CTU1: variants seen among roughly 807,000 people sequenced by gnomAD.
The protein encoded by CTU1 is cytoplasmic tRNA 2-thiolation protein 1.
In CTU1, 15 loss-of-function variants were observed where a neutral mutation model predicts 12.9. The observed-to-expected ratio is 1.16, with a 90% confidence interval of 0.78 to 1.79. The LOEUF (loss-of-function observed/expected upper bound fraction) is 1.79. Ranked by LOEUF, CTU1 falls within the 40% of genes most tolerant of loss-of-function variation. CTU1 has a pLI of 0.00. For synonymous variants in CTU1, 295 were observed against 275.6 expected (o/e 1.07, Z -0.70); for missense variants, 553 against 550.5 (o/e 1.00, Z -0.05).
At chr19:51,103,285 C>A (rs2091911400) in intron 2 of CTU1, among the ~76,000 whole-genome samples, 1 of 152,074 alleles carries the variant, frequency 6.6e-6, no homozygotes, top group African/African-American at 2.4e-5. Flanking sequence ...AACTTAGCAT[C>A]TGTTTGTTGA....
chr19:51,103,853 G>A (rs1463875828), intron 2 of CTU1, among the ~76,000 whole-genome samples: 1 of 152,168 alleles, frequency 6.6e-6, no homozygotes, highest in African/African-American at 2.4e-5. Flanking sequence ...TGTCTCCCCA[G>A]CGTCTTGAAC....
chr19:51,099,580 T>C (rs1323674965), intron 2 of CTU1, among the ~76,000 whole-genome samples: 5 of 152,228 alleles, frequency 3.3e-5, no homozygotes, highest in African/African-American at 4.8e-5. Context: ...ACCACCCGCC[T>C]ACTGCATAGC....
At chr19:51,102,586 C>T (rs2091909879) in intron 2 of CTU1, among the ~76,000 whole-genome samples, 1 of 152,252 alleles carries the variant, frequency 6.6e-6, no homozygotes, top group Non-Finnish European at 1.5e-5. Context: ...TTCCCACTGA[C>T]TGGTCTCCTC....
chr19:51,105,589 C>G (rs1356176347), intron 1 of CTU1, among the ~76,000 whole-genome samples: 1 of 152,202 alleles, frequency 6.6e-6, no homozygotes, highest in East Asian at 1.9e-4. Context: ...TAGGATTTAC[C>G]ACAATGTGTG....
intron 1 of CTU1, among the ~76,000 whole-genome samples, chr19:51,107,980 G>GTATCTGTAGGA (rs1440437902): frequency 6.6e-6 from 1 of 152,160 alleles, no homozygotes; most frequent in Non-Finnish European, 1.5e-5. Flanking sequence ...TGCTCAGTAA[G>GTATCTGTAGGA]TATCTGTAGG....
intron 2 of CTU1, among the ~76,000 whole-genome samples, chr19:51,102,385 G>T (rs2091909428): frequency 6.6e-6 from 1 of 152,176 alleles, no homozygotes; most frequent in Non-Finnish European, 1.5e-5. Flanking sequence ...GAGATCTAGG[G>T]ATTTCTCCAA....
intron 1 of CTU1, among the ~76,000 whole-genome samples, chr19:51,105,996 C>T (rs1433960983): frequency 1.3e-5 from 2 of 152,242 alleles, no homozygotes; most frequent in Non-Finnish European, 2.9e-5. Flanking sequence ...TGGACGGCTG[C>T]ATGGGGCTCC....
intron 2 of CTU1, among the ~76,000 whole-genome samples, chr19:51,101,842 TACA>T (rs1163949038): frequency 1.3e-5 from 2 of 152,190 alleles, no homozygotes; most frequent in Admixed American, 6.5e-5. Flanking sequence ...TAATAATTAT[TACA>T]ACAATTATTA....
At chr19:51,099,775 T>C (rs2122789693) in intron 2 of CTU1, among the ~76,000 whole-genome samples, 1 of 152,298 alleles carries the variant, frequency 6.6e-6, no homozygotes, top group South Asian at 2.1e-4. Flanking sequence ...CCCCACCGCC[T>C]AGGGAATCCA....
rs2091913407 is a variant in CTU1, at chr19:51,104,073, T to G, written c.497A>C (p.His166Pro). 2 of 1,456,760 alleles carry G rather than the reference T, an allele frequency of 1.4e-6. No homozygotes were observed. The highest frequency in any genetic ancestry group is 3.0e-5 in the African/African-American group (2 of 67,294). 90.2% of individuals were successfully genotyped at this position (1,456,760 alleles called of 1,614,324 possible). A position where few individuals can be genotyped will look rare whatever the true frequency, so the allele number is the denominator to read the frequency against. ...EEGARRVGATHIVTGHNADDM... is the reference protein window; with the variant it reads ...EEGARRVGATPIVTGHNADDM... Reference sequence around the variant, plus strand: ...CGTACTACGCTCACCTGTCACGATGTGCGTGGCTCCCACGCGGCGCGCCCC... The same window carrying G: ...CGTACTACGCTCACCTGTCACGATGGGCGTGGCTCCCACGCGGCGCGCCCC... The change falls in exon 2 of 3, where the codon CAC becomes CCC. Residue 166 changes from histidine to proline, a missense_variant. Transcript: ENST00000421832.
rs1224948547 is a variant in CTU1 at position 51,104,384 on chromosome 19, C to T, written c.186G>A (p.Lys62=). ...AVVAVGASGG[K]DSTVLAHVLR... ...GCACGTGCGCCAGCACCGTGGAGTC[C>T]TTGCCGCCCGAGGCGCCCACGGCCA... The change falls in exon 2 of 3, where the codon AAG becomes AAA. Residue 62 remains lysine, a synonymous_variant. Coordinates refer to ENST00000421832, the MANE Select transcript of CTU1 (RefSeq NM_145232.4). 6.1e-6 allele frequency: 8 copies of T among 1,312,482 alleles called. No individual in the cohort carries two copies. The East Asian group carries it at 2.6e-4, about 43-fold the overall frequency. The allele number at this position is 1,312,482 out of a possible 1,614,324, so 81.3% of individuals were successfully genotyped here.
chr19:51,106,764 C>T (rs145164625), intron 1 of CTU1, among the ~76,000 whole-genome samples: 7 of 151,886 alleles, frequency 4.6e-5, no homozygotes, highest in South Asian at 2.1e-4. Flanking sequence ...GTGATCCGCC[C>T]GCCTCGGCCT....
At position 51,097,799 on chromosome 19, in the gene CTU1, G is replaced by C. The variant is rs1341598383; in HGVS notation, c.*802C>G. The stretch of plus-strand genomic sequence containing the variant: ...ACCCTGCCTCCAGAGTCCAAGGTTT[G>C]GGGAACGCATCCAACCCCTCCTCAC... On this transcript the variant is annotated 3_prime_UTR_variant, in exon 3 of 3. Transcript: ENST00000421832. 1 of 152,162 alleles carries C rather than the reference G, an allele frequency of 6.6e-6. No homozygotes were observed. The highest frequency in any genetic ancestry group is 2.4e-5 in the African/African-American group (1 of 41,398). The allele number at this position is 152,162 out of a possible 1,614,324, so 9.4% of individuals were successfully genotyped here.
Position 51,098,981 on chromosome 19 carries a change from G to A in CTU1, c.667C>T (p.Leu223=). The A allele has an allele frequency of 6.5e-7, 1 of 1,544,208 alleles. No homozygotes were observed. Among genetic ancestry groups the A allele is most frequent in the Non-Finnish European group, 8.7e-7 (1 of 1,151,262 alleles). The part of the protein sequence containing the change: ...LQFASQKEVV[L]YAHFRRLDYF... ...TCGAGGCGGCGGAAGTGCGCGTACA[G>A]CACCACCTCCTTCTGCGAGGCGAAC... The change falls in exon 3 of 3, where the codon CTG becomes TTG. Residue 223 remains leucine, a synonymous_variant. Transcript: ENST00000421832. The surrounding 1 kb of genome is among the most constrained non-coding windows in gnomAD (Gnocchi z 4.3).
At chr19:51,106,363 T>C (rs896306851) in intron 1 of CTU1, among the ~76,000 whole-genome samples, 1 of 152,164 alleles carries the variant, frequency 6.6e-6, no homozygotes, top group African/African-American at 2.4e-5. Context: ...GCAGCAACTC[T>C]TGGAATCTTT....
In CTU1 at chr19:51,098,601, C is replaced by CT. The variant is rs1281651109; in HGVS notation, c.1046dup (p.Ter349=). ...PPASKAVPTF[*] is the part of the protein sequence containing the mutation. ...GATCCCGGCGGGAGGCCCGAAGTCG[C>CT]TAGAAGGTGGGGACGGCCTTGGAGG... is the stretch of plus-strand genomic sequence containing the variant. Residue 349 remains the stop codon, a frameshift_variant and stop_retained_variant, in exon 3 of 3, where the codon TAG becomes TAAG. Transcript: ENST00000421832. LOFTEE classifies it high-confidence loss of function. The surrounding 1 kb of genome is among the most constrained non-coding windows in gnomAD (Gnocchi z 4.3). 1 of 1,288,800 alleles carries CT rather than the reference C, an allele frequency of 7.8e-7. No individual in the cohort carries two copies. The highest frequency in any genetic ancestry group is 9.8e-7 in the Non-Finnish European group (1 of 1,015,842). The allele number at this position is 1,288,800 out of a possible 1,614,324, so 79.8% of individuals were successfully genotyped here. A position where few individuals can be genotyped will look rare whatever the true frequency, so the allele number is the denominator to read the frequency against.
intron 1 of CTU1, among the ~76,000 whole-genome samples, chr19:51,106,381 C>T (rs1490095693): frequency 6.6e-6 from 1 of 152,170 alleles, no homozygotes; most frequent in Admixed American, 6.5e-5. Context: ...TTTCTTCCCC[C>T]GACTTTTGAC....
At position 51,098,783 on chromosome 19, in the gene CTU1, G is replaced by A. The variant is rs1177036668; in HGVS notation, c.865C>T (p.Arg289Cys). Residue 289 changes from arginine to cysteine, a missense_variant, in exon 3 of 3, where the codon CGC (arginine) becomes TGC (cysteine). This residue lies in a region of CTU1 where 500 missense variants were observed against 458.5 expected (regional missense o/e 1.09). Coordinates refer to ENST00000421832, the MANE Select transcript of CTU1 (RefSeq NM_145232.4). This position sits in a 1 kb window ranked among gnomAD's most constrained non-coding sequence, Gnocchi z 4.3. ...GCGCGGCTGGCCAGCGCCCCACAGCGGGAGCAGGCGCCGGGGCGCGGGGGC... is the reference window on the plus strand; with the variant it reads ...GCGCGGCTGGCCAGCGCCCCACAGCAGGAGCAGGCGCCGGGGCGCGGGGGC... ...ARPPRPGACSRCGALASRALC... is the reference protein window; with the variant it reads ...ARPPRPGACSCCGALASRALC... The A allele has an allele frequency of 1.9e-6, 2 of 1,067,728 alleles. No homozygotes were observed. Among genetic ancestry groups the A allele is most frequent in the Non-Finnish European group, 2.3e-6 (2 of 883,426 alleles). The allele number at this position is 1,067,728 out of a possible 1,614,324, so 66.1% of individuals were successfully genotyped here. A position where few individuals can be genotyped will look rare whatever the true frequency, so the allele number is the denominator to read the frequency against.
At chr19:51,103,965 G>A in intron 2 of CTU1, 97 bp downstream of exon 2, 2 of 1,238,992 alleles carry the variant, frequency 1.6e-6, no homozygotes, top group Non-Finnish European at 2.1e-6. Flanking sequence ...GCCTTCTGGA[G>A]CATGCGCCTG....
Sources: gnomAD v4.1 joint callset for allele counts (sites outside exome capture counted in the v4.1 genomes callset) on GRCh38, gnomAD v4.1.1 for gene constraint, gnomAD v4.1.1 regional missense constraint, Gnocchi (gnomAD v3.1) non-coding constraint, MANE v1.5 for transcripts, NCBI Gene and HGNC (gene_info 2026-07-23, HGNC 2026-07-21) for gene names.